The following TARBP1 variants were observed in gnomAD, a reference collection of about 807,000 sequenced individuals.
TARBP1 encodes the protein tRNA (guanosine(18)-2'-O)-methyltransferase TARBP1.
TARBP1 carries 144 observed loss-of-function variants against 178.6 expected under a neutral mutation model. The ratio of observed to expected loss-of-function variants is 0.81; its 90% CI spans 0.70 to 0.93. The LOEUF is 0.93. Among genes scored for constraint, TARBP1 ranks in the 40% least tolerant of loss-of-function variants. TARBP1 has a pLI of 0.00. For missense variants in TARBP1, 2,067 were observed against 2,011.7 expected (o/e 1.03, Z -0.53); for synonymous variants, 787 against 781.0 (o/e 1.01, Z -0.13).
rs939583793 is a variant in TARBP1 at position 234,437,007 on chromosome 1, T to C, written c.2232+268A>G. Among the ~76,000 whole-genome samples, 29 of 152,300 alleles carry C rather than the reference T, an allele frequency of 1.9e-4. 1 individual carries two copies. The highest frequency in any genetic ancestry group is 9.2e-4 in the Admixed American group (14 of 15,298). On this transcript the variant is annotated intron_variant, in intron 13 of 29. Coordinates refer to ENST00000040877, the MANE Select transcript of TARBP1 (RefSeq NM_005646.4). Reference sequence around the variant, plus strand: ...AATGTGTGTAGTACTTCAAATATGTTACATCATTTGAAACTCTCCAAATCC... The same window carrying C: ...AATGTGTGTAGTACTTCAAATATGTCACATCATTTGAAACTCTCCAAATCC...
At position 234,429,524 on chromosome 1, in the gene TARBP1, G is replaced by C. The variant is rs749706324; in HGVS notation, c.2763C>G (p.Ala921=). 6.2e-7 allele frequency: 1 copy of C among 1,614,108 alleles called. No individual in the cohort carries two copies. Among genetic ancestry groups the C allele is most frequent in the Admixed American group, 1.7e-5 (1 of 60,014 alleles). ...GCAAAGTCCTTATTGGCATCTGAAC[G>C]GCAGGTAGAAACGGTTCCAGAATTT... is the stretch of plus-strand genomic sequence containing the variant. ...GSEILEPFLP[A]VQMPIRTLQS... Residue 921 remains alanine (A), a synonymous_variant, in exon 16 of 30, where the codon GCC becomes GCG. Transcript: ENST00000040877.
In TARBP1 at chr1:234,416,901, G is replaced by A. The variant is rs1662489379; in HGVS notation, c.3705+1183C>T. Among the ~76,000 whole-genome samples, 2 of 152,316 alleles carry A rather than the reference G, an allele frequency of 1.3e-5. 1 individual carries two copies. Among genetic ancestry groups the A allele is most frequent in the Non-Finnish European group, 2.9e-5 (2 of 68,024 alleles). ...GCCGAGATGGGCTTTACTATGCTAA[G>A]GAAGTGCAGAAAGAGAAGCAGACAG... On this transcript the variant is annotated intron_variant, in intron 22 of 29. Coordinates refer to ENST00000040877, the MANE Select transcript of TARBP1 (RefSeq NM_005646.4).
intron 5 of TARBP1, among the ~76,000 whole-genome samples, chr1:234,464,437 T>C (rs1006212208): frequency 2.0e-5 from 3 of 152,190 alleles, no homozygotes; most frequent in Admixed American, 2.0e-4. Context: ...TCCAGGAACA[T>C]TATCTGCTAA....
At chr1:234,469,787 T>C (rs1390761204) in intron 3 of TARBP1, among the ~76,000 whole-genome samples, 2 of 152,232 alleles carry the variant, frequency 1.3e-5, no homozygotes, top group Non-Finnish European at 1.5e-5. Context: ...TCATTGTGTA[T>C]CTCCTAAAAA....
At chr1:234,406,312 T>C (rs1266500724) in intron 23 of TARBP1, 2 of 560,964 alleles carry the variant, frequency 3.6e-6, no homozygotes, top group Non-Finnish European at 3.2e-6. Context: ...TTCTCCCAGC[T>C]CTAGTTTTCA....
intron 20 of TARBP1, 122 bp downstream of exon 20, chr1:234,425,549 AAC>A (rs1301409948): frequency 1.6e-5 from 17 of 1,063,766 alleles, no homozygotes; most frequent in African/African-American, 3.2e-5. Context: ...AAAAATACAG[AAC>A]ATAAACTTTG....
At chr1:234,475,541 C>T (rs535748981) in intron 1 of TARBP1, among the ~76,000 whole-genome samples, 6 of 152,230 alleles carry the variant, frequency 3.9e-5, no homozygotes, top group African/African-American at 1.2e-4. Context: ...CAGACACTCA[C>T]GCAGAATGCA....
chr1:234,434,736 G>A (rs1438882252), intron 13 of TARBP1, among the ~76,000 whole-genome samples: 1 of 151,738 alleles, frequency 6.6e-6, no homozygotes, highest in East Asian at 1.9e-4. Flanking sequence ...ATGTAGATGA[G>A]ATCATCAAGT....
At position 234,478,611 on chromosome 1, in the gene TARBP1, C is replaced by A; in HGVS notation, c.493G>T (p.Gly165Trp). The change falls in exon 1 of 30, where the codon GGG becomes TGG. Residue 165 changes from glycine (G) to tryptophan (W), a missense_variant. Coordinates refer to ENST00000040877, the MANE Select transcript of TARBP1 (RefSeq NM_005646.4). ...EDGPLLERVA[G>W]TAVALALGGG... ...CCCAGCGCCAGGGCGACGGCGGTCC[C>A]CGCCACGCGCTCCAGTAGCGGCCCG... The A allele has an allele frequency of 7.7e-7, 1 of 1,303,596 alleles. No individual in the cohort carries two copies. Among genetic ancestry groups the A allele is most frequent in the Non-Finnish European group, 9.7e-7 (1 of 1,027,278 alleles). 80.8% of individuals were successfully genotyped at this position (1,303,596 alleles called of 1,614,324 possible).
chr1:234,398,563 G>A lies in TARBP1; in HGVS notation c.4072-10C>T. 3 of 1,518,194 alleles carry A rather than the reference G, an allele frequency of 2.0e-6. No homozygotes were observed. Among genetic ancestry groups the A allele is most frequent in the East Asian group, 2.3e-5 (1 of 42,820 alleles). The allele number at this position is 1,518,194 out of a possible 1,614,324, so 94.0% of individuals were successfully genotyped here. ...GGATGTAAAATATGGTCTGAAAAGA[G>A]AATTATAAAATCTAAATTTCTTCCC... On this transcript the variant is annotated splice_polypyrimidine_tract_variant and intron_variant, in intron 25 of 29. Coordinates refer to ENST00000040877, the MANE Select transcript of TARBP1 (RefSeq NM_005646.4).
chr1:234,446,861 G>A lies in TARBP1; in HGVS notation c.2076C>T (p.Leu692=), dbSNP rs200591081. Residue 692 remains leucine, a synonymous_variant, in exon 12 of 30, where the codon CTC becomes CTT. Transcript: ENST00000040877. ...TGTTCAACAGCTTCAACAGCAGCTG[G>A]AGGCATCTGTCAGTCTTCAGCAAGG... ...YMPLLKTDRC[L]QLLLKLLNTC... The A allele has an allele frequency of 6.0e-5, 97 of 1,613,864 alleles. No individual in the cohort carries two copies. Among genetic ancestry groups the A allele is most frequent in the Non-Finnish European group, 8.0e-5 (94 of 1,179,986 alleles).
At chr1:234,429,739 C>A in intron 15 of TARBP1, 62 bp from the exon 16 acceptor site, 1 of 1,413,996 alleles carries the variant, frequency 7.1e-7, no homozygotes. Flanking sequence ...GTCTTTTGCA[C>A]GTAGCACACT....
At chr1:234,429,752 C>G (rs1006156089) in intron 15 of TARBP1, 75 bp from the exon 16 acceptor site, 7 of 1,236,198 alleles carry the variant, frequency 5.7e-6, no homozygotes, top group African/African-American at 4.6e-5. Flanking sequence ...AGCACACTAT[C>G]CTTTCTAAAG....
chr1:234,419,711 G>T (rs1662870919), intron 21 of TARBP1, among the ~76,000 whole-genome samples: 1 of 151,834 alleles, frequency 6.6e-6, no homozygotes, highest in Non-Finnish European at 1.5e-5. Flanking sequence ...GCATCCTTAT[G>T]TTTAATGACA....
At chr1:234,477,830 G>T (rs1487223729) in intron 1 of TARBP1, among the ~76,000 whole-genome samples, 2 of 152,158 alleles carry the variant, frequency 1.3e-5, no homozygotes, top group Non-Finnish European at 2.9e-5. Context: ...CAACTTGATA[G>T]ATATCAACCG....
intron 12 of TARBP1, among the ~76,000 whole-genome samples, chr1:234,442,792 A>C (rs1383390672): frequency 1.3e-5 from 2 of 152,334 alleles, no homozygotes; most frequent in South Asian, 4.1e-4. Flanking sequence ...TGGAGAAGAG[A>C]GAACAAAAAG....
intron 14 of TARBP1, among the ~76,000 whole-genome samples, chr1:234,430,861 TA>T (rs1164078450): frequency 6.6e-6 from 1 of 152,250 alleles, no homozygotes; most frequent in Non-Finnish European, 1.5e-5. Context: ...TCTGTGCTAC[TA>T]CCAGTATGAG....
chr1:234,450,767 C>T (rs78366565), intron 9 of TARBP1, among the ~76,000 whole-genome samples: 44,647 of 151,094 alleles, frequency 0.3, 6,705 homozygotes, highest in Admixed American at 0.4. Flanking sequence ...TTTATGTATG[C>T]GTATATGTAT....
chr1:234,391,822 GT>G, intron 29 of TARBP1, 77 bp from the exon 30 acceptor site: 1 of 1,433,028 alleles, frequency 7.0e-7, no homozygotes, highest in Non-Finnish European at 9.5e-7. Flanking sequence ...TTTATTTTTT[GT>G]TTATTCACTT....
Sources: allele counts gnomAD v4.1 joint callset (sites outside exome capture counted in the v4.1 genomes callset), GRCh38; gene constraint gnomAD v4.1.1; transcripts MANE v1.5; gene names NCBI Gene and HGNC (gene_info 2026-07-23, HGNC 2026-07-21).